Variants in CTNNA2 observed in about 807,000 individuals in gnomAD.
The protein encoded by CTNNA2 is catenin alpha-2.
CTNNA2 carries 42 observed loss-of-function variants against 101.0 expected under a neutral mutation model. The ratio of observed to expected loss-of-function variants is 0.42; its 90% CI spans 0.32 to 0.54. The LOEUF (loss-of-function observed/expected upper bound fraction) is 0.54, where lower values mean the gene tolerates loss of function less well. Among genes scored for constraint, CTNNA2 ranks in the 20% least tolerant of loss-of-function variants. The pLI is 0.14. For missense variants in CTNNA2, 871 were observed against 1,223.1 expected (o/e 0.71, Z 4.29); for synonymous variants, 450 against 456.4 (o/e 0.99, Z 0.18).
chr2:80,039,326 A>G (rs1161377683), intron 7 of CTNNA2, among the ~76,000 whole-genome samples: 1 of 152,188 alleles, frequency 6.6e-6, no homozygotes, highest in African/African-American at 2.4e-5. Context: ...GGCTGGACAC[A>G]GGCTAGGCTA....
intron 2 of CTNNA2, among the ~76,000 whole-genome samples, chr2:79,208,193 G>A (rs1319120926): frequency 6.6e-6 from 1 of 152,056 alleles, no homozygotes. Flanking sequence ...TTCTCCAATT[G>A]CAATAGCCTG....
rs145986067 is a variant in CTNNA2 at position 79,565,923 on chromosome 2, G to A, written c.-6+52716G>A. Among the ~76,000 whole-genome samples the A allele has an allele frequency of 7.6e-4, 115 of 151,946 alleles. 2 individuals are homozygous for A. In the East Asian group the frequency reaches 0.018, roughly 24 times the overall value. On this transcript the variant is annotated intron_variant, in intron 1 of 18. Transcript: ENST00000402739. ...TCCAGGAAAAATATAGACAGAATAG[G>A]GGATTAAGACTAGAGCCCTGAGGAT...
At chr2:79,350,272 C>A (rs1677358787) in intron 3 of CTNNA2, among the ~76,000 whole-genome samples, 1 of 152,006 alleles carries the variant, frequency 6.6e-6, no homozygotes, top group African/African-American at 2.4e-5. Context: ...TTCTTCAACC[C>A]TTACCCCTCT....
intron 7 of CTNNA2, among the ~76,000 whole-genome samples, chr2:79,957,366 G>A (rs917436089): frequency 6.6e-6 from 1 of 152,136 alleles, no homozygotes; most frequent in African/African-American, 2.4e-5. Context: ...CCAGCATCCT[G>A]TTGGGTTGTG....
chr2:79,763,265 A>G (rs999676120), intron 3 of CTNNA2, among the ~76,000 whole-genome samples: 10 of 152,194 alleles, frequency 6.6e-5, no homozygotes, highest in Non-Finnish European at 1.5e-4. Context: ...GATCAATGTT[A>G]CTATGTATCT....
At chr2:79,467,345 G>C (rs1475622189) in intron 4 of CTNNA2, among the ~76,000 whole-genome samples, 1 of 152,094 alleles carries the variant, frequency 6.6e-6, no homozygotes, top group African/African-American at 2.4e-5. Flanking sequence ...AAAAAAGAAA[G>C]AAACAAAACT....
At chr2:79,304,408 T>C (rs926636298) in intron 2 of CTNNA2, among the ~76,000 whole-genome samples, 1 of 152,084 alleles carries the variant, frequency 6.6e-6, no homozygotes, top group South Asian at 2.1e-4. Flanking sequence ...GAAAAATACA[T>C]TGGATTTTAA....
rs531931460 is a variant in CTNNA2, at chr2:79,838,919, C to G, written c.299-19094C>G. Among the ~76,000 whole-genome samples the G allele has an allele frequency of 2.7e-4, 41 of 152,072 alleles. 1 individual carries two copies. The highest frequency in any genetic ancestry group is 7.4e-5 in the Non-Finnish European group (5 of 67,944). ...TTAGAAAATACTACTACAACTGTTA[C>G]TACTACTTCAGTTGTGCTGCCACCA... On this transcript the variant is annotated intron_variant, in intron 3 of 18. Transcript: ENST00000402739.
chr2:79,297,949 A>AACTTCC (rs1486717379), intron 2 of CTNNA2, among the ~76,000 whole-genome samples: 2 of 152,180 alleles, frequency 1.3e-5, no homozygotes, highest in Non-Finnish European at 2.9e-5. Context: ...ATCTGTTTTA[A>AACTTCC]ACTTCCAACA....
intron 9 of CTNNA2, among the ~76,000 whole-genome samples, chr2:80,452,997 G>A (rs781516957): frequency 9.2e-5 from 14 of 152,208 alleles, no homozygotes; most frequent in Non-Finnish European, 2.1e-4. Context: ...GCCAGGTATA[G>A]CTGGGGTTGA....
At chr2:80,137,154 T>C (rs868635745) in intron 7 of CTNNA2, among the ~76,000 whole-genome samples, 1 of 152,096 alleles carries the variant, frequency 6.6e-6, no homozygotes, top group Non-Finnish European at 1.5e-5. Flanking sequence ...GGGAGTTACA[T>C]ATAATCTGGG....
chr2:80,638,699 G>T (rs1220537813), intron 18 of CTNNA2, among the ~76,000 whole-genome samples: 2 of 152,208 alleles, frequency 1.3e-5, no homozygotes, highest in African/African-American at 4.8e-5. Context: ...CTATAATTAA[G>T]ATTTCATGGG....
chr2:80,270,154 C>G (rs573394426), intron 7 of CTNNA2, among the ~76,000 whole-genome samples: 7 of 152,230 alleles, frequency 4.6e-5, no homozygotes, highest in African/African-American at 1.4e-4. Context: ...CAGGCTCCCC[C>G]ATTCCATAAT....
chr2:79,535,611 T>C (rs1052369793), intron 1 of CTNNA2, among the ~76,000 whole-genome samples: 2 of 152,260 alleles, frequency 1.3e-5, no homozygotes, highest in Admixed American at 6.5e-5. Flanking sequence ...TTTATTCTTA[T>C]ATTTGTCCTT....
intron 7 of CTNNA2, among the ~76,000 whole-genome samples, chr2:80,280,379 C>G (rs1428317589): frequency 6.6e-6 from 1 of 151,470 alleles, no homozygotes; most frequent in Non-Finnish European, 1.5e-5. Flanking sequence ...TACATATCAA[C>G]TTAAATTCTG....
intron 4 of CTNNA2, among the ~76,000 whole-genome samples, chr2:79,458,007 T>G (rs553399085): frequency 6.6e-6 from 1 of 152,300 alleles, no homozygotes; most frequent in Non-Finnish European, 1.5e-5. Flanking sequence ...AAGATGCAGC[T>G]GCAGGATCTG....
intron 7 of CTNNA2, among the ~76,000 whole-genome samples, chr2:79,926,962 C>T (rs1311862539): frequency 6.6e-6 from 1 of 151,966 alleles, no homozygotes; most frequent in Non-Finnish European, 1.5e-5. Flanking sequence ...CTGAATTATT[C>T]ATGACAGAAG....
intron 2 of CTNNA2, among the ~76,000 whole-genome samples, chr2:79,232,287 G>A (rs1007771593): frequency 6.6e-5 from 10 of 152,096 alleles, no homozygotes; most frequent in African/African-American, 2.4e-4. Context: ...TTTTATCTAA[G>A]ACTTTTTTTT....
intron 2 of CTNNA2, among the ~76,000 whole-genome samples, chr2:79,251,123 G>A (rs1253838372): frequency 6.6e-6 from 1 of 152,110 alleles, no homozygotes; most frequent in African/African-American, 2.4e-5. Context: ...GCTCAGCTCT[G>A]CTCCTCTGAA....
Sources: gnomAD v4.1 joint callset for allele counts (sites outside exome capture counted in the v4.1 genomes callset) on GRCh38, gnomAD v4.1.1 for gene constraint, MANE v1.5 for transcripts, NCBI Gene and HGNC (gene_info 2026-07-23, HGNC 2026-07-21) for gene names.